NINL: variants seen among roughly 807,000 people sequenced by gnomAD.
The protein encoded by NINL is ninein-like protein.
A neutral mutation model predicts 160.3 loss-of-function variants in NINL; 153 were observed. That is an observed-to-expected ratio of 0.95 (90% CI 0.84 to 1.09). The LOEUF (loss-of-function observed/expected upper bound fraction) is 1.09, where lower values mean the gene tolerates loss of function less well. Among genes scored for constraint, NINL ranks in the 50% least tolerant of loss-of-function variants. NINL has a pLI of 0.00. For missense variants in NINL, 1,829 were observed against 1,764.0 expected (o/e 1.04, Z -0.66); for synonymous variants, 800 against 734.8 (o/e 1.09, Z -1.43).
intron 1 of NINL, among the ~76,000 whole-genome samples, chr20:25,575,463 AAAG>A: frequency 6.7e-6 from 1 of 148,696 alleles, no homozygotes; most frequent in Admixed American, 6.8e-5. Flanking sequence ...AAAAAAAAAA[AAAG>A]AATAGGCCAG....
rs549961917 is a variant in NINL, at chr20:25,571,345, C to A, written c.-12+14110G>T. On this transcript the variant is annotated intron_variant, in intron 1 of 23. Coordinates refer to ENST00000278886, the MANE Select transcript of NINL (RefSeq NM_025176.6). Reference sequence around the variant, plus strand: ...CTCACCAGGGGCAAGGTGTCTGGCACGCCAGGGTCAAGGAGTGGGCCTGTG... The same window carrying A: ...CTCACCAGGGGCAAGGTGTCTGGCAAGCCAGGGTCAAGGAGTGGGCCTGTG... 7.2e-5 allele frequency among the ~76,000 whole-genome samples: 11 copies of A among 152,178 alleles called. No homozygotes were observed. In the East Asian group the frequency reaches 2.1e-3, roughly 29 times the overall value.
Position 25,482,923 on chromosome 20 carries a change from C to T in NINL, c.1678-823G>A, listed in dbSNP as rs1043384505. 5.9e-5 allele frequency among the ~76,000 whole-genome samples: 9 copies of T among 151,452 alleles called. No individual in the cohort carries two copies. In the East Asian group the frequency reaches 1.7e-3, roughly 29 times the overall value. ...CCTGTAATCTCAGCTACTTGGGAGGCTGAGGCAGGAGAGTCGCTTGAACCC... is the reference window on the plus strand; with the variant it reads ...CCTGTAATCTCAGCTACTTGGGAGGTTGAGGCAGGAGAGTCGCTTGAACCC... On this transcript the variant is annotated intron_variant, in intron 13 of 23. Transcript: ENST00000278886.
At chr20:25,539,580 T>C (rs1041294336) in intron 1 of NINL, among the ~76,000 whole-genome samples, 1 of 152,198 alleles carries the variant, frequency 6.6e-6, no homozygotes, top group Non-Finnish European at 1.5e-5. Context: ...TACCGTCCCA[T>C]GTATGTACAG....
chr20:25,481,106 T>A (rs1229222252), intron 14 of NINL, among the ~76,000 whole-genome samples: 1 of 152,084 alleles, frequency 6.6e-6, no homozygotes, highest in Non-Finnish European at 1.5e-5. Context: ...CATATTGGCC[T>A]ATTTTTTTTT....
chr20:25,491,583 C>T (rs1034333976), intron 10 of NINL, 58 bp from the exon 11 acceptor site: 48 of 1,564,048 alleles, frequency 3.1e-5, no homozygotes, highest in Middle Eastern at 1.7e-4. Flanking sequence ...CCCAGGCCCA[C>T]GCCACCCCCT....
chr20:25,555,179 G>C (rs2064851870), intron 1 of NINL, among the ~76,000 whole-genome samples: 1 of 152,110 alleles, frequency 6.6e-6, no homozygotes, highest in South Asian at 2.1e-4. Context: ...AGTCTATCAG[G>C]CGTCTAGCTT....
At chr20:25,577,687 T>C (rs1409600111) in intron 1 of NINL, among the ~76,000 whole-genome samples, 1 of 152,044 alleles carries the variant, frequency 6.6e-6, no homozygotes, top group African/African-American at 2.4e-5. Context: ...AACCTGGAGG[T>C]CCTCTTTGTG....
At chr20:25,557,317 G>C (rs1208735459) in intron 1 of NINL, among the ~76,000 whole-genome samples, 2 of 152,060 alleles carry the variant, frequency 1.3e-5, no homozygotes, top group East Asian at 3.9e-4. Flanking sequence ...AATCACTTGA[G>C]GTCAAGAGTT....
chr20:25,495,251 T>A (rs2063727262), intron 10 of NINL, among the ~76,000 whole-genome samples: 1 of 152,188 alleles, frequency 6.6e-6, no homozygotes, highest in Non-Finnish European at 1.5e-5. Flanking sequence ...GCAGTGCAGC[T>A]GGCACAATTC....
chr20:25,583,359 A>T (rs115128883), intron 1 of NINL, among the ~76,000 whole-genome samples: 13,280 of 152,226 alleles, frequency 0.087, 947 homozygotes, highest in African/African-American at 0.2. Flanking sequence ...AGCCAACAAC[A>T]TATATTAAAA....
At chr20:25,514,440 T>C (rs763605002) in intron 3 of NINL, among the ~76,000 whole-genome samples, 1 of 152,146 alleles carries the variant, frequency 6.6e-6, no homozygotes, top group Non-Finnish European at 1.5e-5. Context: ...AACTAAAACA[T>C]ATTTAAAAGG....
chr20:25,491,211 T>G, intron 11 of NINL, 140 bp downstream of exon 11: 1 of 1,018,510 alleles, frequency 9.8e-7, no homozygotes, highest in Non-Finnish European at 1.4e-6. Context: ...CTGCAGCAGG[T>G]GCTCCCTCGG....
intron 1 of NINL, among the ~76,000 whole-genome samples, chr20:25,530,992 T>C (rs1456447658): frequency 1.3e-5 from 2 of 152,114 alleles, no homozygotes; most frequent in African/African-American, 4.8e-5. Context: ...CTGGGAGCGC[T>C]ACGGGAGACT....
chr20:25,457,020 G>T (rs550965322), intron 22 of NINL, among the ~76,000 whole-genome samples: 3 of 151,846 alleles, frequency 2.0e-5, no homozygotes, highest in South Asian at 4.2e-4. Context: ...TCCAGAGCAA[G>T]GGTTTAAAAA....
At position 25,555,264 on chromosome 20, in the gene NINL, C is replaced by T. The variant is rs375069070; in HGVS notation, c.-11-28666G>A. Reference sequence around the variant, plus strand: ...AGACATGGCTCTCAGGCACCTCTTCCGTAACGTACAGACAGGCCCCACAAC... The same window carrying T: ...AGACATGGCTCTCAGGCACCTCTTCTGTAACGTACAGACAGGCCCCACAAC... On this transcript the variant is annotated intron_variant, in intron 1 of 23. Transcript: ENST00000278886. Among the ~76,000 whole-genome samples, 3 of 152,250 alleles carry T rather than the reference C, an allele frequency of 2.0e-5. No homozygotes were observed. The South Asian group carries it at 6.2e-4, about 32-fold the overall frequency.
chr20:25,584,883 C>A (rs560941504), intron 1 of NINL, among the ~76,000 whole-genome samples: 3 of 152,244 alleles, frequency 2.0e-5, no homozygotes, highest in African/African-American at 7.2e-5. Flanking sequence ...AGGAAAGGGG[C>A]GAATCTGCAA....
intron 10 of NINL, 50 bp downstream of exon 10, chr20:25,496,612 AG>A (rs2063758593): frequency 6.2e-7 from 1 of 1,602,252 alleles, no homozygotes; most frequent in Non-Finnish European, 8.5e-7. Context: ...CTGCCCTCAA[AG>A]GGGCTGGGGA....
intron 2 of NINL, 94 bp from the exon 3 acceptor site, chr20:25,517,943 AT>A: frequency 1.5e-6 from 1 of 664,212 alleles, no homozygotes; most frequent in Non-Finnish European, 2.5e-6. Context: ...AGATAGAAAT[AT>A]ATTATTACTG....
intron 1 of NINL, among the ~76,000 whole-genome samples, chr20:25,533,770 A>G (rs1285189481): frequency 6.6e-6 from 1 of 152,236 alleles, no homozygotes; most frequent in Non-Finnish European, 1.5e-5. Flanking sequence ...TACAATATAC[A>G]AAAATTAACT....
Sources: gnomAD v4.1 joint callset for allele counts (sites outside exome capture counted in the v4.1 genomes callset) on GRCh38, gnomAD v4.1.1 for gene constraint, MANE v1.5 for transcripts, NCBI Gene and HGNC (gene_info 2026-07-23, HGNC 2026-07-21) for gene names.